Variants in TERF1 observed in about 807,000 individuals in gnomAD.
TERF1 encodes the protein telomeric repeat-binding factor 1.
Under a neutral mutation model 55.1 loss-of-function variants are expected in TERF1, and 20 were observed. The observed-to-expected ratio is 0.36, with a 90% CI of 0.26 to 0.53. The LOEUF (loss-of-function observed/expected upper bound fraction) is 0.53. Ranked by LOEUF, TERF1 falls within the 20% of genes least tolerant of loss-of-function variation. The pLI is 0.91. For synonymous variants in TERF1, 168 were observed against 181.2 expected (o/e 0.93, Z 0.59); for missense variants, 439 against 535.7 (o/e 0.82, Z 1.78).
intron 8 of TERF1, among the ~76,000 whole-genome samples, chr8:73,037,934 TTA>T (rs112232195): frequency 1.5e-5 from 2 of 129,324 alleles, no homozygotes; most frequent in African/African-American, 5.8e-5. Flanking sequence ...TATATAAATA[TTA>T]TATATATATA....
At chr8:73,030,878 A>G (rs1809253664) in intron 7 of TERF1, 1 of 152,438 alleles carries the variant, frequency 6.6e-6, no homozygotes, top group Admixed American at 6.5e-5. Context: ...TTGGGATCAC[A>G]AGTGGAACCA....
intron 4 of TERF1, among the ~76,000 whole-genome samples, chr8:73,024,471 A>G (rs1808895870): frequency 6.6e-6 from 1 of 152,174 alleles, no homozygotes; most frequent in Non-Finnish European, 1.5e-5. Flanking sequence ...AATTCAGGGT[A>G]ATGGTTACAG....
intron 5 of TERF1, among the ~76,000 whole-genome samples, chr8:73,025,804 G>A (rs1312197036): frequency 1.4e-5 from 2 of 144,632 alleles, no homozygotes; most frequent in Non-Finnish European, 3.0e-5. Context: ...GCATACACCT[G>A]TAGTCCCAGC....
chr8:73,047,205 A>G lies in TERF1; in HGVS notation c.*1068A>G, dbSNP rs568248791. 1 of 152,326 alleles carries G rather than the reference A, an allele frequency of 6.6e-6. No individual in the cohort carries two copies. The highest frequency in any genetic ancestry group is 1.9e-4 in the East Asian group (1 of 5,194). The allele number at this position is 152,326 out of a possible 1,614,324, so 9.4% of individuals were successfully genotyped here. A position where few individuals can be genotyped will look rare whatever the true frequency, so the allele number is the denominator to read the frequency against. ...AAAATCGAAATAATTTTTTTAAAAA[A>G]GAAAAAGACAATAGTATTACCCATG... On this transcript the variant is annotated 3_prime_UTR_variant, in exon 10 of 10. Transcript: ENST00000276603.
chr8:73,044,966 G>T (rs1319347937), intron 9 of TERF1, among the ~76,000 whole-genome samples: 2 of 152,156 alleles, frequency 1.3e-5, no homozygotes, highest in Non-Finnish European at 2.9e-5. Flanking sequence ...TAACTATTGT[G>T]AATAATGCTG....
At chr8:73,031,503 G>A (rs1270681234) in intron 7 of TERF1, 1 of 152,138 alleles carries the variant, frequency 6.6e-6, no homozygotes, top group Non-Finnish European at 1.5e-5. Context: ...ATCTTAGTTT[G>A]CTCCTTCATA....
chr8:73,028,072 TC>T (rs1809096260), intron 6 of TERF1, among the ~76,000 whole-genome samples: 1 of 152,212 alleles, frequency 6.6e-6, no homozygotes, highest in Admixed American at 6.5e-5. Flanking sequence ...CCCAATTACT[TC>T]CTTTTGTTTC....
At position 73,022,269 on chromosome 8, in the gene TERF1, T is replaced by C; in HGVS notation, c.591T>C (p.Phe197=). 2.5e-6 allele frequency: 4 copies of C among 1,588,422 alleles called. No individual in the cohort carries two copies. The highest frequency in any genetic ancestry group is 3.4e-6 in the Non-Finnish European group (4 of 1,171,406). Residue 197 remains phenylalanine (F), a synonymous_variant, in exon 4 of 10, where the codon TTT becomes TTC. Transcript: ENST00000276603. Reference sequence around the variant, plus strand: ...ACTTTAAAGAAGCAGAAGAAGTCTTTGAAAGAATATTTGGTGATCCAAATT... The same window carrying C: ...ACTTTAAAGAAGCAGAAGAAGTCTTCGAAAGAATATTTGGTGATCCAAATT... The part of the protein sequence containing the change: ...NGNFKEAEEV[F]ERIFGDPNSH...
At chr8:73,019,220 G>C (rs1442910834) in intron 2 of TERF1, among the ~76,000 whole-genome samples, 2 of 151,824 alleles carry the variant, frequency 1.3e-5, no homozygotes, top group African/African-American at 2.4e-5. Flanking sequence ...GTGTGGGGGT[G>C]GGGGGAAGGT....
intron 5 of TERF1, among the ~76,000 whole-genome samples, chr8:73,025,315 A>G (rs1398914616): frequency 6.6e-6 from 1 of 152,226 alleles, no homozygotes; most frequent in African/African-American, 2.4e-5. Context: ...ATAGAATTGT[A>G]TTAAAGAAGG....
At chr8:73,009,276 G>A (rs1234006541) in intron 1 of TERF1, 71 bp downstream of exon 1, 3 of 1,478,380 alleles carry the variant, frequency 2.0e-6, no homozygotes, top group African/African-American at 1.4e-5. Context: ...CGCGGCAGAG[G>A]GCTGGTTCCC....
chr8:73,037,735 T>TAATATATATTATATATTATATATTATATA (rs1809625804), intron 8 of TERF1, among the ~76,000 whole-genome samples: 2 of 87,730 alleles, frequency 2.3e-5, no homozygotes, highest in African/African-American at 9.8e-5. Flanking sequence ...TTATATAGTA[T>TAATATATATTATATATTATATATTATATA]GAAATATATA....
At chr8:73,024,323 A>T (rs1427638373) in intron 4 of TERF1, among the ~76,000 whole-genome samples, 1 of 152,236 alleles carries the variant, frequency 6.6e-6, no homozygotes, top group African/African-American at 2.4e-5. Context: ...GAGTTGAGTG[A>T]AATATAGCAA....
chr8:73,039,248 G>A (rs987701836), intron 9 of TERF1, 29 bp downstream of exon 9: 4 of 1,405,794 alleles, frequency 2.8e-6, no homozygotes, highest in African/African-American at 1.4e-5. Flanking sequence ...TTCGAATAAC[G>A]CTTATGGACA....
chr8:73,030,537 A>C, intron 7 of TERF1, 142 bp downstream of exon 7: 1 of 506,708 alleles, frequency 2.0e-6, no homozygotes, highest in Non-Finnish European at 3.3e-6. Context: ...GATAGTCACG[A>C]CTCTGAGACA....
intron 3 of TERF1, among the ~76,000 whole-genome samples, 175 bp from the exon 4 acceptor site, chr8:73,022,041 G>A (rs1011478581): frequency 1.3e-5 from 2 of 152,068 alleles, no homozygotes; most frequent in African/African-American, 2.4e-5. Context: ...CATTTCAAGC[G>A]ACACTTATTT....
intron 6 of TERF1, 67 bp from the exon 7 acceptor site, chr8:73,030,269 G>A: frequency 9.9e-7 from 1 of 1,012,512 alleles, no homozygotes; most frequent in South Asian, 1.7e-5. Flanking sequence ...TTGACTATGT[G>A]GAAAGTACTA....
At position 73,009,029 on chromosome 8, in the gene TERF1, A is replaced by G; in HGVS notation, c.143A>G (p.Gln48Arg). 1.2e-6 allele frequency: 2 copies of G among 1,610,748 alleles called. No individual in the cohort carries two copies. Among genetic ancestry groups the G allele is most frequent in the South Asian group, 1.1e-5 (1 of 90,792 alleles). The change falls in exon 1 of 10, where the codon CAG (glutamine) becomes CGG (arginine). Residue 48 changes from glutamine (Q) to arginine (R), a missense_variant. Transcript: ENST00000276603. ...GAATGCCAGGAACTGCTCGAGTGCC[A>G]GGTGCAGGTGGGGGCCCCCGAGGAG... is the stretch of plus-strand genomic sequence containing the variant. ...QFECQELLECQVQVGAPEEEE... is the reference protein window; with the variant it reads ...QFECQELLECRVQVGAPEEEE...
intron 2 of TERF1, among the ~76,000 whole-genome samples, chr8:73,018,656 A>G (rs1808627724): frequency 1.3e-5 from 2 of 152,340 alleles, no homozygotes; most frequent in East Asian, 1.9e-4. Context: ...AGCCTGGTCA[A>G]AAGAGCAAAG....
Sources: gnomAD v4.1 joint callset for allele counts (sites outside exome capture counted in the v4.1 genomes callset) on GRCh38, gnomAD v4.1.1 for gene constraint, MANE v1.5 for transcripts, NCBI Gene and HGNC (gene_info 2026-07-23, HGNC 2026-07-21) for gene names.